QTMAN: variants seen among roughly 807,000 people sequenced by gnomAD.
QTMAN encodes the protein queuosine-tRNA mannosyltransferase, also known as tRNA-queuosine alpha-mannosyltransferase.
chr2:144,289,251 C>T, the QTMAN span, among the ~76,000 whole-genome samples: 1 of 152,006 alleles, frequency 6.6e-6, no homozygotes. Context: ...AGGATGGTCT[C>T]GATCTAACCT....
the QTMAN span, chr2:143,942,449 G>C: frequency 6.0e-6 from 1 of 167,536 alleles, no homozygotes; most frequent in Non-Finnish European, 1.5e-5. Context: ...GCGTCTTAAA[G>C]AGGAAAGGGG....
the QTMAN span, among the ~76,000 whole-genome samples, chr2:144,040,076 T>C: frequency 6.6e-6 from 1 of 152,194 alleles, no homozygotes; most frequent in African/African-American, 2.4e-5. Flanking sequence ...GCCCCTTTGC[T>C]TCCATTGACT....
At chr2:143,991,405 G>A in the QTMAN span, among the ~76,000 whole-genome samples, 22 of 149,970 alleles carry the variant, frequency 1.5e-4, no homozygotes, top group Non-Finnish European at 3.0e-4. Context: ...CCCCCCGCCC[G>A]GCCAGCTGCC....
At chr2:143,954,228 C>G in the QTMAN span, among the ~76,000 whole-genome samples, 3 of 151,950 alleles carry the variant, frequency 2.0e-5, no homozygotes, top group South Asian at 6.2e-4. Context: ...TCTTTATGGA[C>G]CAAAAGAAAA....
the QTMAN span, among the ~76,000 whole-genome samples, chr2:144,293,161 A>G: frequency 6.6e-6 from 1 of 152,218 alleles, no homozygotes; most frequent in Non-Finnish European, 1.5e-5. Flanking sequence ...GAGTGCATAA[A>G]AAAGACTGCA....
chr2:144,290,226 G>T, the QTMAN span, among the ~76,000 whole-genome samples: 21 of 152,124 alleles, frequency 1.4e-4, no homozygotes, highest in East Asian at 4.1e-3. Context: ...CTCTATTCAG[G>T]AATCATTCTT....
the QTMAN span, among the ~76,000 whole-genome samples, chr2:144,325,508 GA>G: frequency 1.4e-5 from 2 of 141,220 alleles, no homozygotes; most frequent in Non-Finnish European, 3.1e-5. Flanking sequence ...TATAGAAAAA[GA>G]AAAAAGGAAA....
At chr2:144,029,649 G>A in the QTMAN span, among the ~76,000 whole-genome samples, 1 of 152,068 alleles carries the variant, frequency 6.6e-6, no homozygotes, top group East Asian at 1.9e-4. Flanking sequence ...AAAAAAACAT[G>A]CTAGCAAAGC....
At chr2:144,326,209 G>A in the QTMAN span, among the ~76,000 whole-genome samples, 39 of 152,164 alleles carry the variant, frequency 2.6e-4, no homozygotes, top group African/African-American at 9.4e-4. Flanking sequence ...GCAACATAGT[G>A]AAAATTATAT....
At chr2:144,164,910 C>CT in the QTMAN span, among the ~76,000 whole-genome samples, 1 of 152,192 alleles carries the variant, frequency 6.6e-6, no homozygotes, top group Non-Finnish European at 1.5e-5. Flanking sequence ...TCACCCAATT[C>CT]TAAGAATCCA....
the QTMAN span, among the ~76,000 whole-genome samples, chr2:144,174,223 G>A: frequency 6.6e-6 from 1 of 152,064 alleles, no homozygotes; most frequent in Non-Finnish European, 1.5e-5. Context: ...CCAGTATTCT[G>A]TCCTTTATGT....
the QTMAN span, among the ~76,000 whole-genome samples, chr2:144,265,345 A>C: frequency 6.6e-6 from 1 of 152,316 alleles, no homozygotes; most frequent in South Asian, 2.1e-4. Flanking sequence ...TTCACATTAC[A>C]AAATATGGGA....
At chr2:143,973,207 G>C in the QTMAN span, among the ~76,000 whole-genome samples, 3 of 151,860 alleles carry the variant, frequency 2.0e-5, no homozygotes, top group African/African-American at 7.3e-5. Flanking sequence ...ACTTAAACTC[G>C]ATTCCAGATG....
At chr2:144,235,991 AT>A in the QTMAN span, among the ~76,000 whole-genome samples, 1 of 151,258 alleles carries the variant, frequency 6.6e-6, no homozygotes, top group African/African-American at 2.4e-5. Flanking sequence ...TATTATTATT[AT>A]TACTATTCAG....
the QTMAN span, among the ~76,000 whole-genome samples, chr2:144,170,977 A>G: frequency 2.6e-5 from 4 of 152,116 alleles, no homozygotes; most frequent in Non-Finnish European, 5.9e-5. Context: ...GGAAGAAAAC[A>G]CAGTGACAGA....
the QTMAN span, chr2:144,145,735 G>A: frequency 6.2e-7 from 1 of 1,608,356 alleles, no homozygotes; most frequent in Non-Finnish European, 8.5e-7. Context: ...CTTGCAAAGA[G>A]GGTCCTAGGA....
At chr2:144,329,111 C>T in the QTMAN span, among the ~76,000 whole-genome samples, 2 of 152,086 alleles carry the variant, frequency 1.3e-5, no homozygotes, top group South Asian at 4.2e-4. Flanking sequence ...GGCATGGTGG[C>T]GCATTCCTGT....
the QTMAN span, among the ~76,000 whole-genome samples, chr2:144,253,508 C>T: frequency 0.038 from 5,849 of 152,090 alleles, 351 homozygotes; most frequent in African/African-American, 0.13. Context: ...ATGCTGATAG[C>T]GATACAGACA....
chr2:144,136,620 T>A, the QTMAN span, among the ~76,000 whole-genome samples: 1 of 152,066 alleles, frequency 6.6e-6, no homozygotes, highest in African/African-American at 2.4e-5. Flanking sequence ...GACAATTACA[T>A]GACCTAAAGT....
Sources: allele counts gnomAD v4.1 joint callset (sites outside exome capture counted in the v4.1 genomes callset), GRCh38; gene constraint gnomAD v4.1.1; transcripts MANE v1.5; gene names NCBI Gene and HGNC (gene_info 2026-07-23, HGNC 2026-07-21).